IMPACT: variants seen among roughly 807,000 people sequenced by gnomAD.
The protein encoded by IMPACT is impact RWD domain protein.
In IMPACT, 35 loss-of-function variants were observed where a neutral mutation model predicts 47.5. The observed-to-expected ratio is 0.74, with a 90% CI of 0.56 to 0.98. The LOEUF (loss-of-function observed/expected upper bound fraction) is 0.98, where lower values mean the gene tolerates loss of function less well. Among genes scored for constraint, IMPACT ranks in the 50% least tolerant of loss-of-function variants. IMPACT has a pLI of 0.00. For synonymous variants in IMPACT, 118 were observed against 125.6 expected (o/e 0.94, Z 0.40); for missense variants, 373 against 394.8 (o/e 0.94, Z 0.47).
rs146668963 is a variant in IMPACT at position 24,430,351 on chromosome 18, C to T, written c.248C>T (p.Ala83Val). Residue 83 changes from alanine (A) to valine (V), a missense_variant, in exon 4 of 11, where the codon GCG becomes GTG. By Grantham distance (64) the Ala-to-Val change is moderately conservative (BLOSUM62 0). Coordinates refer to ENST00000284202, the MANE Select transcript of IMPACT (RefSeq NM_018439.4). ...NAPWLKGQER[A>V]DLSNSLEEIY... ...CCTTGGCTTAAAGGGCAAGAACGTGCGGATTTATCAAATAGCCTTGAGGAA... is the reference window on the plus strand; with the variant it reads ...CCTTGGCTTAAAGGGCAAGAACGTGTGGATTTATCAAATAGCCTTGAGGAA... 3.8e-6 allele frequency: 6 copies of T among 1,596,274 alleles called. No individual in the cohort carries two copies. The highest frequency in any genetic ancestry group is 1.8e-5 in the Admixed American group (1 of 55,624).
chr18:24,449,962 C>T lies in IMPACT; in HGVS notation c.894+9C>T. On this transcript the variant is annotated intron_variant, in intron 10 of 10. Transcript: ENST00000284202. ...ACTACACAAATTCACCTGTAAGTGG[C>T]TCTTCGTACTACATCTAGAGAATTT... 6.2e-7 allele frequency: 1 copy of T among 1,612,996 alleles called. No homozygotes were observed. The highest frequency in any genetic ancestry group is 8.5e-7 in the Non-Finnish European group (1 of 1,179,160).
intron 4 of IMPACT, among the ~76,000 whole-genome samples, chr18:24,436,025 CTGAAGAAAATG>C (rs1908929250): frequency 6.6e-6 from 1 of 152,068 alleles, no homozygotes; most frequent in East Asian, 1.9e-4. Context: ...GACAAGTTTT[CTGAAGAAAATG>C]CTCTAAGAAA....
chr18:24,448,249 C>T (rs1356934713), intron 9 of IMPACT, 66 bp downstream of exon 9: 3 of 986,922 alleles, frequency 3.0e-6, no homozygotes, highest in Non-Finnish European at 4.8e-6. Context: ...CAAAACAGAG[C>T]TCCATTTAGT....
At chr18:24,449,746 C>T in intron 9 of IMPACT, 73 bp from the exon 10 acceptor site, 1 of 1,389,716 alleles carries the variant, frequency 7.2e-7, no homozygotes, top group Non-Finnish European at 1.0e-6. Flanking sequence ...TGGGTTATTT[C>T]ATTCTCCTTT....
At chr18:24,432,609 TATCTCTCC>T (rs1294565107) in intron 4 of IMPACT, among the ~76,000 whole-genome samples, 1 of 152,176 alleles carries the variant, frequency 6.6e-6, no homozygotes, top group Non-Finnish European at 1.5e-5. Context: ...TGTTTTCTGA[TATCTCTCC>T]CTAACATTAC....
Position 24,443,053 on chromosome 18 carries a change from A to C in IMPACT, c.495A>C (p.Val165=). The stretch of plus-strand genomic sequence containing the variant: ...AAGTTTCTTTTACATTTCTAGAAGT[A>C]GAAGTAGAAGAATTACCTCCGATTG... The part of the protein sequence containing the change: ...DFDISETRTE[V]EVEELPPIDH... The change falls in exon 7 of 11, where the codon GTA becomes GTC. Residue 165 remains valine (V), a synonymous_variant. Transcript: ENST00000284202. 1 of 1,538,594 alleles carries C rather than the reference A, an allele frequency of 6.5e-7. No individual in the cohort carries two copies. The highest frequency in any genetic ancestry group is 8.9e-7 in the Non-Finnish European group (1 of 1,122,354).
At chr18:24,427,657 A>G (rs931782733) in intron 1 of IMPACT, 2 of 410,390 alleles carry the variant, frequency 4.9e-6, no homozygotes, top group South Asian at 3.4e-5. Flanking sequence ...GAGTGCATAT[A>G]TATTATATTT....
rs1458987693 is a variant in IMPACT at position 24,452,829 on chromosome 18, T to C, written c.*1982T>C. ...TTTTTTTAGAGATGAGTTCTTGCTCTGTCACCTAGGCTGGAGTGCAGTGGC... is the reference window on the plus strand; with the variant it reads ...TTTTTTTAGAGATGAGTTCTTGCTCCGTCACCTAGGCTGGAGTGCAGTGGC... On this transcript the variant is annotated 3_prime_UTR_variant, in exon 11 of 11. Coordinates refer to ENST00000284202, the MANE Select transcript of IMPACT (RefSeq NM_018439.4). 6.6e-6 allele frequency: 1 copy of C among 152,220 alleles called. No individual in the cohort carries two copies. Among genetic ancestry groups the C allele is most frequent in the Non-Finnish European group, 1.5e-5 (1 of 68,040 alleles). The allele number at this position is 152,220 out of a possible 1,614,324, so 9.4% of individuals were successfully genotyped here.
At chr18:24,428,304 C>T (rs1483365561) in intron 2 of IMPACT, among the ~76,000 whole-genome samples, 11 of 152,144 alleles carry the variant, frequency 7.2e-5, no homozygotes, top group Non-Finnish European at 4.4e-5. Flanking sequence ...TTTTGCTTCC[C>T]TTCATTATTC....
Position 24,430,400 on chromosome 18 carries a change from T to C in IMPACT, c.281+16T>C, listed in dbSNP as rs1278008782. ...AAATATATATGTAAGTGACAGGCGA[T>C]TTTTTAAAATAATTCTGTTAGTGAT... On this transcript the variant is annotated intron_variant, in intron 4 of 10. Coordinates refer to ENST00000284202, the MANE Select transcript of IMPACT (RefSeq NM_018439.4). The C allele has an allele frequency of 1.4e-5, 22 of 1,564,844 alleles. No homozygotes were observed. Among genetic ancestry groups the C allele is most frequent in the Non-Finnish European group, 1.9e-5 (22 of 1,150,248 alleles).
chr18:24,441,349 T>A (rs1909106564), intron 6 of IMPACT, among the ~76,000 whole-genome samples: 1 of 152,164 alleles, frequency 6.6e-6, no homozygotes, highest in South Asian at 2.1e-4. Context: ...CATGCCACCA[T>A]GCCTGTCTAA....
At chr18:24,444,040 G>A (rs953867945) in intron 7 of IMPACT, among the ~76,000 whole-genome samples, 2 of 152,248 alleles carry the variant, frequency 1.3e-5, no homozygotes, top group East Asian at 3.9e-4. Context: ...ACAGCTCTTT[G>A]TACCAGGCTG....
intron 6 of IMPACT, among the ~76,000 whole-genome samples, chr18:24,442,079 C>T (rs1263672406): frequency 1.3e-5 from 2 of 151,916 alleles, no homozygotes; most frequent in African/African-American, 2.4e-5. Flanking sequence ...AACTTTTCAT[C>T]CTAAGTGAGG....
intron 8 of IMPACT, among the ~76,000 whole-genome samples, chr18:24,445,882 TAA>T (rs1450911798): frequency 6.6e-6 from 1 of 152,204 alleles, no homozygotes; most frequent in Non-Finnish European, 1.5e-5. Context: ...TTCACCATTA[TAA>T]AGAGTGGTCC....
chr18:24,436,781 G>A (rs867142967), intron 4 of IMPACT, among the ~76,000 whole-genome samples: 1 of 151,974 alleles, frequency 6.6e-6, no homozygotes, highest in African/African-American at 2.4e-5. Context: ...GAACTCTTGA[G>A]CTCAAGTGAT....
At chr18:24,447,396 TTCTC>T (rs946395084) in intron 8 of IMPACT, among the ~76,000 whole-genome samples, 2 of 152,202 alleles carry the variant, frequency 1.3e-5, no homozygotes, top group African/African-American at 2.4e-5. Flanking sequence ...TATTTTTTTT[TTCTC>T]TCTCTAGCAC....
intron 1 of IMPACT, chr18:24,427,616 T>C: frequency 7.7e-6 from 2 of 260,014 alleles, no homozygotes; most frequent in Non-Finnish European, 1.4e-5. Context: ...GGTTTATCTT[T>C]TCACGTGTGA....
Position 24,449,935 on chromosome 18 carries a change from G to T in IMPACT, c.876G>T (p.Lys292Asn). ...GTGCCAGAAACATACTAGTGGAAAA[G>T]AACTACACAAATTCACCTGTAAGTG... ...NNCARNILVE[K>N]NYTNSPEESS... is the part of the protein sequence containing the mutation. Residue 292 changes from lysine (K) to asparagine (N), a missense_variant, in exon 10 of 11, where the codon AAG (lysine) becomes AAT (asparagine). Coordinates refer to ENST00000284202, the MANE Select transcript of IMPACT (RefSeq NM_018439.4). 6.2e-7 allele frequency: 1 copy of T among 1,613,962 alleles called. No individual in the cohort carries two copies. The highest frequency in any genetic ancestry group is 1.1e-5 in the South Asian group (1 of 91,070).
intron 4 of IMPACT, among the ~76,000 whole-genome samples, chr18:24,436,884 A>G (rs897794485): frequency 6.6e-5 from 10 of 152,240 alleles, no homozygotes; most frequent in African/African-American, 2.2e-4. Flanking sequence ...AGCTTATAAT[A>G]TTGAAAATTA....
Sources: gnomAD v4.1 joint callset for allele counts (sites outside exome capture counted in the v4.1 genomes callset) on GRCh38, gnomAD v4.1.1 for gene constraint, MANE v1.5 for transcripts, NCBI Gene and HGNC (gene_info 2026-07-23, HGNC 2026-07-21) for gene names.